Variants in RCBTB2 observed in about 807,000 individuals in gnomAD.
The protein encoded by RCBTB2 is RCC1 and BTB domain-containing protein 2.
RCBTB2 carries 55 observed loss-of-function variants against 65.4 expected under a neutral mutation model. The observed-to-expected ratio is 0.84, with a 90% CI of 0.68 to 1.05. The LOEUF is 1.05. Among genes scored for constraint, RCBTB2 ranks in the 50% least tolerant of loss-of-function variants. RCBTB2 has a pLI of 0.00. For missense variants in RCBTB2, 599 were observed against 680.1 expected, an observed-to-expected ratio of 0.88 and a Z score of 1.33; for synonymous variants, 220 against 255.2, an observed-to-expected ratio of 0.86 and a Z score of 1.31.
chr13:48,517,760 G>A (rs201249325), intron 4 of RCBTB2, among the ~76,000 whole-genome samples: 1 of 152,140 alleles, frequency 6.6e-6, no homozygotes, highest in Non-Finnish European at 1.5e-5. Flanking sequence ...TGAGAAACCC[G>A]AAGAAACCCC....
chr13:48,491,179 C>T (rs759139205), intron 14 of RCBTB2, among the ~76,000 whole-genome samples: 22 of 152,070 alleles, frequency 1.4e-4, no homozygotes, highest in Non-Finnish European at 2.5e-4. Flanking sequence ...TACATATGAA[C>T]ATTACACACG....
chr13:48,520,235 C>T (rs989209399), intron 4 of RCBTB2, among the ~76,000 whole-genome samples: 2 of 152,138 alleles, frequency 1.3e-5, no homozygotes, highest in African/African-American at 4.8e-5. Context: ...ACAATAGTCC[C>T]CCATAGGAGC....
intron 1 of RCBTB2, among the ~76,000 whole-genome samples, chr13:48,527,349 T>TC (rs1951827933): frequency 8.3e-6 from 1 of 120,744 alleles, no homozygotes; most frequent in Non-Finnish European, 1.5e-5. Context: ...TATATATATA[T>TC]ATGATATATA....
At chr13:48,528,912 T>C (rs1252956955) in intron 1 of RCBTB2, among the ~76,000 whole-genome samples, 6 of 152,218 alleles carry the variant, frequency 3.9e-5, no homozygotes, top group Non-Finnish European at 7.4e-5. Context: ...TATTGTCATA[T>C]GTTCATGAAA....
intron 14 of RCBTB2, among the ~76,000 whole-genome samples, chr13:48,492,115 T>TCTCATC (rs1227603086): frequency 1.3e-5 from 2 of 152,132 alleles, no homozygotes; most frequent in African/African-American, 4.8e-5. Flanking sequence ...ACATCTCCCC[T>TCTCATC]CTCATCCTCA....
intron 12 of RCBTB2, 40 bp from the exon 13 acceptor site, chr13:48,499,800 G>A (rs1451777628): frequency 1.2e-6 from 2 of 1,611,818 alleles, no homozygotes; most frequent in African/African-American, 2.7e-5. Context: ...TAGCTTCCCA[G>A]CCAGGACAGA....
At chr13:48,522,239 A>G in intron 3 of RCBTB2, 69 bp downstream of exon 3, 1 of 1,048,766 alleles carries the variant, frequency 9.5e-7, no homozygotes, top group Admixed American at 2.0e-5. Context: ...TTAACTCTAT[A>G]AAGGAAATCA....
chr13:48,523,251 C>T (rs1465751460), intron 2 of RCBTB2, among the ~76,000 whole-genome samples: 3 of 152,214 alleles, frequency 2.0e-5, no homozygotes, highest in Non-Finnish European at 2.9e-5. Context: ...AGCATGACTG[C>T]CACTGAGATT....
chr13:48,532,733 G>A (rs1593851000), intron 1 of RCBTB2: 11 of 294,546 alleles, frequency 3.7e-5, no homozygotes, highest in South Asian at 2.7e-4. Flanking sequence ...GCAGCGCACC[G>A]GGCCCACGCC....
chr13:48,510,243 G>A lies in RCBTB2; in HGVS notation c.926+386C>T, dbSNP rs1273416604. Among the ~76,000 whole-genome samples, 3 of 152,150 alleles carry A rather than the reference G, an allele frequency of 2.0e-5. No homozygotes were observed. In the East Asian group the frequency reaches 5.8e-4, roughly 29 times the overall value. On this transcript the variant is annotated intron_variant, in intron 10 of 14. Transcript: ENST00000344532. ...GTGACCAGCTTTATACCCCATGCAA[G>A]GTACCTTTTCCTAAGCCAGGGAAGA...
At chr13:48,519,295 C>T (rs1350236899) in intron 4 of RCBTB2, among the ~76,000 whole-genome samples, 1 of 152,180 alleles carries the variant, frequency 6.6e-6, no homozygotes, top group Non-Finnish European at 1.5e-5. Context: ...TTGTCTTCCA[C>T]AAACAGCACA....
chr13:48,509,450 C>G (rs1476248619), intron 10 of RCBTB2, among the ~76,000 whole-genome samples: 1 of 152,132 alleles, frequency 6.6e-6, no homozygotes, highest in Non-Finnish European at 1.5e-5. Context: ...AACTGAGGCA[C>G]TTTTGTGGTT....
chr13:48,511,357 G>A (rs374169554), intron 9 of RCBTB2, among the ~76,000 whole-genome samples: 1 of 151,954 alleles, frequency 6.6e-6, no homozygotes, highest in African/African-American at 2.4e-5. Flanking sequence ...ATTAACTTAC[G>A]ATTTGATTAG....
chr13:48,514,510 G>A (rs77647251), intron 6 of RCBTB2, among the ~76,000 whole-genome samples: 5,252 of 152,326 alleles, frequency 0.034, 115 homozygotes, highest in Middle Eastern at 0.075. Context: ...CTGACTATGT[G>A]CTGCCTATTG....
intron 14 of RCBTB2, among the ~76,000 whole-genome samples, chr13:48,495,652 T>C (rs1420826547): frequency 2.0e-5 from 3 of 152,246 alleles, no homozygotes; most frequent in African/African-American, 7.2e-5. Flanking sequence ...TTATACCAAA[T>C]TGTTCTCCAT....
At chr13:48,492,441 T>G (rs1397116935) in intron 14 of RCBTB2, 1 of 152,222 alleles carries the variant, frequency 6.6e-6, no homozygotes, top group African/African-American at 2.4e-5. Context: ...ATGTTTTACC[T>G]CAAATGCCCC....
At chr13:48,506,609 G>GT (rs1950517462) in intron 10 of RCBTB2, among the ~76,000 whole-genome samples, 1 of 152,202 alleles carries the variant, frequency 6.6e-6, no homozygotes, top group Non-Finnish European at 1.5e-5. Context: ...AGCCGCGCTG[G>GT]TCAGGTGGCA....
Position 48,499,111 on chromosome 13 carries a change from A to AACACACACACACACACACAC in RCBTB2, c.1384+490_1384+509dup, listed in dbSNP as rs142443945. On this transcript the variant is annotated intron_variant, in intron 13 of 14. Coordinates refer to ENST00000344532, the MANE Select transcript of RCBTB2 (RefSeq NM_001268.4). ...TTGCCTCTCTCCCGACCCCCACCCC[A>AACACACACACACACACACAC]ACACACACACACACACACACACACA... Among the ~76,000 whole-genome samples the AACACACACACACACACACAC allele has an allele frequency of 5.2e-3, 554 of 105,812 alleles. 9 individuals are homozygous for AACACACACACACACACACAC. The highest frequency in any genetic ancestry group is 0.015 in the African/African-American group (345 of 23,120). The allele number at this position is 105,812 out of a possible 152,430, so 69.4% of individuals were successfully genotyped here.
intron 14 of RCBTB2, among the ~76,000 whole-genome samples, chr13:48,493,031 T>G (rs1328208605): frequency 2.0e-5 from 3 of 152,150 alleles, no homozygotes; most frequent in Non-Finnish European, 4.4e-5. Context: ...CTTTCATCCT[T>G]ACAGCTGCTG....
Sources: allele counts gnomAD v4.1 joint callset (sites outside exome capture counted in the v4.1 genomes callset), GRCh38; gene constraint gnomAD v4.1.1; transcripts MANE v1.5; gene names NCBI Gene and HGNC (gene_info 2026-07-23, HGNC 2026-07-21).